Variants in MTCL2 observed in about 807,000 individuals in gnomAD.
MTCL2 encodes the protein microtubule crosslinking factor 2.
At chr20:36,809,859 C>G in the MTCL2 span, 1 of 1,252,188 alleles carries the variant, frequency 8.0e-7, no homozygotes, top group South Asian at 1.4e-5. Context: ...CAGGCGTGAG[C>G]CACCACACCC....
the MTCL2 span, among the ~76,000 whole-genome samples, chr20:36,848,943 A>T: frequency 6.6e-6 from 1 of 151,976 alleles, no homozygotes; most frequent in African/African-American, 2.4e-5. Flanking sequence ...ACTCATCAGT[A>T]GTTTGAAATT....
the MTCL2 span, among the ~76,000 whole-genome samples, chr20:36,791,731 G>A: frequency 6.6e-6 from 1 of 152,180 alleles, no homozygotes; most frequent in African/African-American, 2.4e-5. Flanking sequence ...AGCTGGGACA[G>A]CCCACCCAGT....
chr20:36,844,095 G>A, the MTCL2 span, among the ~76,000 whole-genome samples: 1 of 151,986 alleles, frequency 6.6e-6, no homozygotes, highest in Non-Finnish European at 1.5e-5. Context: ...AATTAGCCGG[G>A]CGTGGTGGTG....
chr20:36,815,850 G>T, the MTCL2 span: 1 of 1,601,244 alleles, frequency 6.2e-7, no homozygotes, highest in African/African-American at 1.3e-5. This position sits in a 1 kb window ranked among gnomAD's most constrained non-coding sequence, Gnocchi z 5.3. Context: ...CTCGAGCTCG[G>T]CAGAGGAGCG....
chr20:36,853,153 G>A, the MTCL2 span, among the ~76,000 whole-genome samples: 19 of 152,096 alleles, frequency 1.2e-4, no homozygotes, highest in Admixed American at 3.3e-4. Context: ...ACAACACAGA[G>A]GCTGCCTGGC....
the MTCL2 span, among the ~76,000 whole-genome samples, chr20:36,832,192 C>T: frequency 6.6e-6 from 1 of 152,196 alleles, no homozygotes; most frequent in Admixed American, 6.5e-5. Flanking sequence ...TACCTGCCCT[C>T]GCAGGGCTGA....
the MTCL2 span, chr20:36,863,458 G>T: frequency 1.4e-6 from 1 of 727,250 alleles, no homozygotes; most frequent in Non-Finnish European, 1.8e-6. The surrounding 1 kb of genome is among the most constrained non-coding windows in gnomAD (Gnocchi z 6.2). Flanking sequence ...GGCTGCTCTC[G>T]GCCCACCTCG....
At chr20:36,837,219 A>G in the MTCL2 span, among the ~76,000 whole-genome samples, 1 of 152,206 alleles carries the variant, frequency 6.6e-6, no homozygotes, top group South Asian at 2.1e-4. Flanking sequence ...TCGTGTCACC[A>G]GATCACACTG....
chr20:36,806,988 T>G, the MTCL2 span, among the ~76,000 whole-genome samples: 4 of 152,200 alleles, frequency 2.6e-5, no homozygotes, highest in Non-Finnish European at 5.9e-5. Flanking sequence ...TCCCTTAAAC[T>G]GGGCTTCATC....
At chr20:36,815,461 C>A in the MTCL2 span, 8 of 1,605,480 alleles carry the variant, frequency 5.0e-6, no homozygotes, top group African/African-American at 2.7e-5. The surrounding 1 kb of genome is among the most constrained non-coding windows in gnomAD (Gnocchi z 5.3). Context: ...CTGACCAGGG[C>A]GGCCTGCTCT....
chr20:36,861,089 G>C, the MTCL2 span, among the ~76,000 whole-genome samples: 1 of 152,206 alleles, frequency 6.6e-6, no homozygotes, highest in Non-Finnish European at 1.5e-5. Flanking sequence ...ACCAGAGTGA[G>C]TAGCAGGAAC....
chr20:36,793,250 T>G, the MTCL2 span: 1 of 1,550,356 alleles, frequency 6.5e-7, no homozygotes. The surrounding 1 kb of genome is among the most constrained non-coding windows in gnomAD (Gnocchi z 6.8). Flanking sequence ...CCCACCTACC[T>G]CATTGGGAAG....
chr20:36,820,560 G>A, the MTCL2 span, among the ~76,000 whole-genome samples: 2 of 152,216 alleles, frequency 1.3e-5, no homozygotes, highest in Admixed American at 6.5e-5. Context: ...AGAAAGAAAT[G>A]GCTGGGTGTG....
chr20:36,812,682 G>A, the MTCL2 span: 7 of 1,611,582 alleles, frequency 4.3e-6, no homozygotes, highest in Non-Finnish European at 5.9e-6. Context: ...CCAATCCCAT[G>A]CTTGCTCAGG....
the MTCL2 span, chr20:36,829,057 T>G: frequency 6.5e-7 from 1 of 1,547,800 alleles, no homozygotes; most frequent in Non-Finnish European, 8.7e-7. Context: ...TCCTCACCTC[T>G]CTCGGTCGCT....
At chr20:36,816,929 C>G in the MTCL2 span, among the ~76,000 whole-genome samples, 1 of 152,050 alleles carries the variant, frequency 6.6e-6, no homozygotes, top group African/African-American at 2.4e-5. Context: ...ACCATGGGCT[C>G]AGGATGTGGT....
chr20:36,840,259 G>A, the MTCL2 span, among the ~76,000 whole-genome samples: 4 of 151,604 alleles, frequency 2.6e-5, no homozygotes, highest in East Asian at 1.9e-4. Flanking sequence ...CCCCCTCCTG[G>A]GTTCACGCCA....
At chr20:36,853,233 T>C in the MTCL2 span, among the ~76,000 whole-genome samples, 1 of 151,982 alleles carries the variant, frequency 6.6e-6, no homozygotes, top group Non-Finnish European at 1.5e-5. Flanking sequence ...TGGACCCGCC[T>C]CTCCAATGCC....
the MTCL2 span, among the ~76,000 whole-genome samples, chr20:36,810,717 CCTCTCTCTCTCTCTCTCTCT>C: frequency 1.1e-5 from 1 of 94,194 alleles, no homozygotes; most frequent in Admixed American, 1.3e-4. Context: ...TCTCTCTCTC[CCTCTCTCTCTCTCTCTCTCT>C]CTCTCTCTCT....
Sources: gnomAD v4.1 joint callset for allele counts (sites outside exome capture counted in the v4.1 genomes callset) on GRCh38, gnomAD v4.1.1 for gene constraint, Gnocchi (gnomAD v3.1) non-coding constraint, MANE v1.5 for transcripts, NCBI Gene and HGNC (gene_info 2026-07-23, HGNC 2026-07-21) for gene names.